NRDC: variants seen among roughly 807,000 people sequenced by gnomAD.
The protein encoded by NRDC is nardilysin convertase, also known as nardilysin.
NRDC carries 54 observed loss-of-function variants against 147.1 expected under a neutral mutation model. The ratio of observed to expected loss-of-function variants is 0.37; its 90% CI spans 0.29 to 0.46. NRDC has a LOEUF of 0.46. Ranked by LOEUF, NRDC falls within the 20% of genes least tolerant of loss-of-function variation. NRDC has a pLI of 1.00. For missense variants in NRDC, 1,082 were observed against 1,370.6 expected, an observed-to-expected ratio of 0.79 and a Z score of 3.33; for synonymous variants, 440 against 482.1, an observed-to-expected ratio of 0.91 and a Z score of 1.14.
intron 10 of NRDC, among the ~76,000 whole-genome samples, chr1:51,817,475 C>T (rs1475647250): frequency 6.6e-6 from 1 of 152,212 alleles, no homozygotes; most frequent in East Asian, 1.9e-4. Context: ...TCCCAATCTG[C>T]ATAAACCTGC....
At chr1:51,842,479 T>C (rs1681319278) in intron 1 of NRDC, among the ~76,000 whole-genome samples, 1 of 152,172 alleles carries the variant, frequency 6.6e-6, no homozygotes, top group Admixed American at 6.5e-5. Context: ...AGCTCAATTA[T>C]GTAAACTGGA....
chr1:51,792,203 G>T, intron 25 of NRDC, 105 bp from the exon 26 acceptor site: 1 of 1,486,082 alleles, frequency 6.7e-7, no homozygotes, highest in Non-Finnish European at 9.4e-7. Context: ...GCCTCCCTTA[G>T]TGCCTTTTTC....
chr1:51,814,144 G>A, intron 13 of NRDC, 55 bp from the exon 14 acceptor site: 1 of 1,134,726 alleles, frequency 8.8e-7, no homozygotes, highest in Non-Finnish European at 1.3e-6. Context: ...GCCTACTTGA[G>A]GGAGAAGGGC....
At chr1:51,806,307 G>A (rs1307014051) in intron 18 of NRDC, among the ~76,000 whole-genome samples, 1 of 152,104 alleles carries the variant, frequency 6.6e-6, no homozygotes, top group African/African-American at 2.4e-5. Context: ...ATTCCTTTGT[G>A]TATTCTTATC....
chr1:51,823,892 C>A, intron 6 of NRDC, 106 bp from the exon 7 acceptor site: 1 of 653,226 alleles, frequency 1.5e-6, no homozygotes, highest in Admixed American at 3.0e-5. Flanking sequence ...AATGAAATAA[C>A]CCAAGGGACT....
intron 1 of NRDC, among the ~76,000 whole-genome samples, chr1:51,875,976 G>A (rs984456469): frequency 6.6e-6 from 1 of 151,692 alleles, no homozygotes; most frequent in Non-Finnish European, 1.5e-5. Context: ...CATTATATTT[G>A]ACCAAGTTTC....
At chr1:51,812,349 G>A (rs890278567) in intron 14 of NRDC, among the ~76,000 whole-genome samples, 2 of 152,018 alleles carry the variant, frequency 1.3e-5, no homozygotes, top group Admixed American at 6.6e-5. Flanking sequence ...GCAACATGGC[G>A]AAACCCTGTC....
Position 51,803,940 on chromosome 1 carries a change from G to A in NRDC, c.2187C>T (p.Val729=). The A allele has an allele frequency of 6.2e-7, 1 of 1,607,944 alleles. No homozygotes were observed. The highest frequency in any genetic ancestry group is 8.5e-7 in the Non-Finnish European group (1 of 1,177,116). The change falls in exon 20 of 31, where the codon GTC becomes GTT. Residue 729 remains valine, a synonymous_variant. Coordinates refer to ENST00000352171, the MANE Select transcript of NRDC (RefSeq NM_001101662.2). ...AANVVLFDIF[V]NILTHNLAEP... ...CCGCAAGGTTATGCGTAAGGATATT[G>A]ACAAAGATATCAAAGAGGACCACAC...
At chr1:51,814,500 T>C in intron 13 of NRDC, 51 bp downstream of exon 13, 1 of 1,569,018 alleles carries the variant, frequency 6.4e-7, no homozygotes, top group Non-Finnish European at 8.7e-7. Flanking sequence ...GCCTGAAGCC[T>C]CAAATATACC....
intron 7 of NRDC, among the ~76,000 whole-genome samples, 186 bp from the exon 8 acceptor site, chr1:51,821,741 C>T (rs560618606): frequency 1.1e-4 from 17 of 152,260 alleles, no homozygotes; most frequent in South Asian, 4.1e-4. Context: ...GAAAACCTTA[C>T]GACACACAGA....
In NRDC at chr1:51,875,982, G is replaced by C. The variant is rs1008347359; in HGVS notation, c.341+2293C>G. Among the ~76,000 whole-genome samples the C allele has an allele frequency of 1.3e-5, 2 of 152,084 alleles. 1 individual carries two copies. Among genetic ancestry groups the C allele is most frequent in the African/African-American group, 4.8e-5 (2 of 41,404 alleles). On this transcript the variant is annotated intron_variant, in intron 1 of 30. Transcript: ENST00000352171. The stretch of plus-strand genomic sequence containing the variant: ...TATTTATTACATTATATTTGACCAA[G>C]TTTCAGAAAATATTTAATCTAGCTT...
At chr1:51,801,486 TG>T (rs138159926) in intron 20 of NRDC, among the ~76,000 whole-genome samples, 2,827 of 152,194 alleles carry the variant, frequency 0.019, 89 homozygotes, top group African/African-American at 0.065. Flanking sequence ...ACTGGTACTA[TG>T]GGGGAGAAAA....
intron 1 of NRDC, among the ~76,000 whole-genome samples, chr1:51,869,666 T>C (rs1250349880): frequency 2.0e-5 from 3 of 152,192 alleles, no homozygotes; most frequent in Admixed American, 6.5e-5. Context: ...CAATGGAAAA[T>C]AAAGTTGTAC....
chr1:51,840,124 A>T (rs1681190715), intron 2 of NRDC, 102 bp downstream of exon 2: 2 of 921,736 alleles, frequency 2.2e-6, no homozygotes, highest in Non-Finnish European at 3.3e-6. Flanking sequence ...TGAAGACCAA[A>T]AGATAACTAT....
At chr1:51,850,241 G>A (rs538400665) in intron 1 of NRDC, among the ~76,000 whole-genome samples, 1 of 152,032 alleles carries the variant, frequency 6.6e-6, no homozygotes, top group Non-Finnish European at 1.5e-5. Context: ...AAATGAAGCT[G>A]AAGTACTAAC....
chr1:51,823,417 C>T (rs1266064813), intron 7 of NRDC, among the ~76,000 whole-genome samples: 1 of 152,144 alleles, frequency 6.6e-6, no homozygotes, highest in Admixed American at 6.5e-5. Flanking sequence ...GACCAGCCTA[C>T]ATATCTTATC....
chr1:51,872,899 A>G (rs1428610521), intron 1 of NRDC, among the ~76,000 whole-genome samples: 1 of 151,096 alleles, frequency 6.6e-6, no homozygotes, highest in African/African-American at 2.5e-5. Context: ...GAGAGTGCAA[A>G]ACAAAAAGAA....
At chr1:51,829,449 G>A (rs1253080543) in intron 4 of NRDC, among the ~76,000 whole-genome samples, 3 of 152,240 alleles carry the variant, frequency 2.0e-5, no homozygotes, top group African/African-American at 7.2e-5. Flanking sequence ...GTAGTCATCT[G>A]TAAGTGTAAC....
At chr1:51,826,034 G>C (rs1397503491) in intron 5 of NRDC, among the ~76,000 whole-genome samples, 1 of 152,186 alleles carries the variant, frequency 6.6e-6, no homozygotes, top group East Asian at 1.9e-4. Flanking sequence ...AAGAGTGAAG[G>C]CAGTTTTCTA....
Sources: allele counts gnomAD v4.1 joint callset (sites outside exome capture counted in the v4.1 genomes callset), GRCh38; gene constraint gnomAD v4.1.1; transcripts MANE v1.5; gene names NCBI Gene and HGNC (gene_info 2026-07-23, HGNC 2026-07-21).